Variants in SLC6A13 observed in about 807,000 individuals in gnomAD.
The protein encoded by SLC6A13 is solute carrier family 6 member 13.
SLC6A13 carries 69 observed loss-of-function variants against 72.9 expected under a neutral mutation model. The observed-to-expected ratio is 0.95, with a 90% CI of 0.78 to 1.16. SLC6A13 has a LOEUF of 1.16. Ranked by LOEUF, SLC6A13 falls within the 50% of genes most tolerant of loss-of-function variation. The pLI, the probability that SLC6A13 is intolerant of heterozygous loss-of-function variation, is 0.00. For synonymous variants in SLC6A13, 303 were observed against 303.0 expected (o/e 1.00, Z 0.00); for missense variants, 735 against 760.5 (o/e 0.97, Z 0.39).
intron 4 of SLC6A13, among the ~76,000 whole-genome samples, chr12:240,192 AAAG>A (rs1348242507): frequency 6.6e-6 from 1 of 152,162 alleles, no homozygotes; most frequent in Non-Finnish European, 1.5e-5. Flanking sequence ...ATATAAAGCT[AAAG>A]AAGTATAATA....
chr12:225,287 C>T (rs536909445), intron 9 of SLC6A13, among the ~76,000 whole-genome samples: 18 of 152,338 alleles, frequency 1.2e-4, no homozygotes, highest in African/African-American at 3.6e-4. Flanking sequence ...AGGGCCTGCC[C>T]GCAGGTTTCC....
At chr12:243,859 C>T in intron 2 of SLC6A13, 46 bp from the exon 3 acceptor site, 2 of 1,591,332 alleles carry the variant, frequency 1.3e-6, no homozygotes, top group Non-Finnish European at 8.6e-7. Flanking sequence ...CTATTCTCCT[C>T]ATGGTCTGCA....
At chr12:248,434 T>C (rs912525268) in intron 2 of SLC6A13, among the ~76,000 whole-genome samples, 2 of 147,714 alleles carry the variant, frequency 1.4e-5, no homozygotes, top group African/African-American at 2.5e-5. Flanking sequence ...AGATATACCA[T>C]GCTAACACTA....
At chr12:240,452 G>A (rs1312993309) in intron 4 of SLC6A13, among the ~76,000 whole-genome samples, 3 of 152,216 alleles carry the variant, frequency 2.0e-5, no homozygotes, top group Non-Finnish European at 4.4e-5. Context: ...CGATCCACTG[G>A]CTTCGGCCTC....
chr12:262,618 GAA>G, intron 1 of SLC6A13, 169 bp downstream of exon 1: 1 of 900,216 alleles, frequency 1.1e-6, no homozygotes. Flanking sequence ...CCAAGTTTCA[GAA>G]AGTCAAGAAA....
Position 235,210 on chromosome 12 carries a change from C to T in SLC6A13, c.711G>A (p.Thr237=), listed in dbSNP as rs140273637. The T allele has an allele frequency of 2.4e-5, 38 of 1,614,114 alleles. No individual in the cohort carries two copies. The highest frequency in any genetic ancestry group is 5.0e-5 in the Admixed American group (3 of 60,018). ...VKSTGKVVYF[T]ATFPYLMLVV... is the part of the protein sequence containing the mutation. ...CCAGCATGAGGTAAGGAAATGTGGC[C>T]GTGAAGTACACCACCTGGTCATGGG... The change falls in exon 7 of 15, where the codon ACG becomes ACA. Residue 237 remains threonine (T), a synonymous_variant. Transcript: ENST00000343164.
At chr12:259,646 C>T (rs1203709813) in intron 2 of SLC6A13, 56 of 1,434,606 alleles carry the variant, frequency 3.9e-5, no homozygotes, top group Non-Finnish European at 4.5e-5. Context: ...TACGATGCCA[C>T]GTTATAATAG....
rs185841208 is a variant in SLC6A13, at chr12:223,277, G to C, written c.1312-43C>G. 339 of 1,321,414 alleles carry C rather than the reference G, an allele frequency of 2.6e-4. 1 individual carries two copies. In the African/African-American group the frequency reaches 4.4e-3, roughly 17 times the overall value. The allele number at this position is 1,321,414 out of a possible 1,614,324, so 81.9% of individuals were successfully genotyped here. On this transcript the variant is annotated intron_variant, in intron 11 of 14. Coordinates refer to ENST00000343164, the MANE Select transcript of SLC6A13 (RefSeq NM_016615.5). ...ATTTTAAAAAGAAGTTTATCCAGTGGAAACAGAAAGATTCACTCCTATGCC... is the reference window on the plus strand; with the variant it reads ...ATTTTAAAAAGAAGTTTATCCAGTGCAAACAGAAAGATTCACTCCTATGCC...
At chr12:253,474 A>G (rs1462695437) in intron 2 of SLC6A13, 1 of 152,254 alleles carries the variant, frequency 6.6e-6, no homozygotes, top group Non-Finnish European at 1.5e-5. Flanking sequence ...TCTGCTATCT[A>G]TAAACAGCAC....
Position 223,171 on chromosome 12 carries a change from C to T in SLC6A13, c.1375G>A (p.Val459Met), listed in dbSNP as rs202217743. 193 of 1,613,838 alleles carry T rather than the reference C, an allele frequency of 1.2e-4. 1 individual carries two copies. The highest frequency in any genetic ancestry group is 1.3e-4 in the Non-Finnish European group (155 of 1,179,762). ...YAASGMCLLF[V>M]AIFESLCVAW... The stretch of plus-strand genomic sequence containing the variant: ...ACACAGAGGGACTCGAAGATGGCCA[C>T]GAACAGGAGGCACATGCCACTGGCC... The change falls in exon 12 of 15, where the codon GTG becomes ATG. Residue 459 changes from valine (V) to methionine (M), a missense_variant. Transcript: ENST00000343164.
At chr12:228,519 G>A (rs954334463) in intron 7 of SLC6A13, among the ~76,000 whole-genome samples, 6 of 152,070 alleles carry the variant, frequency 3.9e-5, no homozygotes, top group African/African-American at 1.4e-4. Context: ...CGGATGACCC[G>A]TCCATGTCTT....
chr12:225,574 C>T (rs900915957), intron 9 of SLC6A13, among the ~76,000 whole-genome samples: 5 of 151,826 alleles, frequency 3.3e-5, no homozygotes, highest in African/African-American at 1.2e-4. Context: ...CACTTCAGCC[C>T]GGGAAGCGGA....
chr12:224,168 T>C, intron 10 of SLC6A13, 39 bp from the exon 11 acceptor site: 1 of 1,612,026 alleles, frequency 6.2e-7, no homozygotes. Flanking sequence ...GAAGGAGAGC[T>C]CCCGAGATGC....
intron 11 of SLC6A13, chr12:223,752 A>G: frequency 1.9e-6 from 1 of 533,188 alleles, no homozygotes; most frequent in Non-Finnish European, 3.4e-6. Flanking sequence ...ATACCTCTTC[A>G]CTTACTGTGG....
At chr12:234,126 C>T (rs1941828748) in intron 7 of SLC6A13, among the ~76,000 whole-genome samples, 1 of 152,198 alleles carries the variant, frequency 6.6e-6, no homozygotes, top group African/African-American at 2.4e-5. Flanking sequence ...CGCTCACTCC[C>T]CCGGCAGGAT....
intron 6 of SLC6A13, among the ~76,000 whole-genome samples, chr12:236,334 T>A (rs1460073506): frequency 6.6e-6 from 1 of 152,234 alleles, no homozygotes; most frequent in Non-Finnish European, 1.5e-5. Flanking sequence ...TACCAATATG[T>A]GATGTCACCC....
chr12:222,950 A>C (rs1407430846), intron 12 of SLC6A13, among the ~76,000 whole-genome samples, 182 bp downstream of exon 12: 2 of 152,040 alleles, frequency 1.3e-5, no homozygotes, highest in African/African-American at 2.4e-5. Flanking sequence ...GACTGTGGGC[A>C]AGGCAGCTTC....
chr12:253,176 C>T lies in SLC6A13; in HGVS notation c.202+6675G>A, dbSNP rs756459930. Reference sequence around the variant, plus strand: ...AGATAGGAGAGACCATATCCCCGTCCCAGAAAGCAATCACTCTCTTGGCCC... The same window carrying T: ...AGATAGGAGAGACCATATCCCCGTCTCAGAAAGCAATCACTCTCTTGGCCC... On this transcript the variant is annotated intron_variant, in intron 2 of 14. Transcript: ENST00000343164. Among the ~76,000 whole-genome samples, 23 of 152,340 alleles carry T rather than the reference C, an allele frequency of 1.5e-4. No individual in the cohort carries two copies. In the East Asian group the frequency reaches 3.5e-3, roughly 23 times the overall value.
intron 2 of SLC6A13, among the ~76,000 whole-genome samples, chr12:256,925 G>C (rs1565510267): frequency 6.6e-6 from 1 of 152,146 alleles, no homozygotes; most frequent in Non-Finnish European, 1.5e-5. Flanking sequence ...CAGGAGCCAA[G>C]GCCCCAGTCT....
Sources: gnomAD v4.1 joint callset for allele counts (sites outside exome capture counted in the v4.1 genomes callset) on GRCh38, gnomAD v4.1.1 for gene constraint, MANE v1.5 for transcripts, NCBI Gene and HGNC (gene_info 2026-07-23, HGNC 2026-07-21) for gene names.